Variants in RHAG observed in about 807,000 individuals in gnomAD.
RHAG encodes Rh associated glycoprotein, also known as ammonium transporter Rh type A.
Under a neutral mutation model 42.4 loss-of-function variants are expected in RHAG, and 25 were observed. The ratio of observed to expected loss-of-function variants is 0.59; its 90% CI spans 0.43 to 0.82. The LOEUF is 0.82. Ranked by LOEUF, RHAG falls within the 40% of genes least tolerant of loss-of-function variation. The probability of loss-of-function intolerance (pLI) is 0.00; values close to 1 mark genes in which losing one functional copy is unlikely to be tolerated. For synonymous variants in RHAG, 182 were observed against 177.7 expected (o/e 1.02, Z -0.19); for missense variants, 483 against 504.6 (o/e 0.96, Z 0.41).
intron 1 of RHAG, among the ~76,000 whole-genome samples, chr6:49,624,752 A>G (rs746904274): frequency 6.6e-6 from 1 of 152,178 alleles, no homozygotes; most frequent in Non-Finnish European, 1.5e-5. Context: ...AAACATGTAA[A>G]CTGTGGTGTA....
At chr6:49,616,473 CAG>C (rs1470025740) in intron 3 of RHAG, among the ~76,000 whole-genome samples, 2 of 151,672 alleles carry the variant, frequency 1.3e-5, no homozygotes, top group Admixed American at 6.6e-5. Flanking sequence ...TTCAAAAAAC[CAG>C]AGTTTTTACC....
chr6:49,610,531 C>T (rs1581937235), intron 7 of RHAG, among the ~76,000 whole-genome samples: 1 of 152,150 alleles, frequency 6.6e-6, no homozygotes, highest in East Asian at 1.9e-4. Context: ...ACCAGAAATG[C>T]TGAGTGATAC....
intron 9 of RHAG, among the ~76,000 whole-genome samples, chr6:49,606,109 G>C (rs145792859): frequency 6.6e-6 from 1 of 152,242 alleles, no homozygotes; most frequent in African/African-American, 2.4e-5. Context: ...TTGGGAAAAA[G>C]TATCAATAGA....
At chr6:49,611,316 G>T (rs76094875) in intron 6 of RHAG, among the ~76,000 whole-genome samples, 171 bp from the exon 7 acceptor site, 1 of 152,216 alleles carries the variant, frequency 6.6e-6, no homozygotes, top group East Asian at 1.9e-4. Context: ...CATATAGAGA[G>T]AAAAAGGTCA....
chr6:49,607,082 CATTA>C lies in RHAG; in HGVS notation c.1138+64_1138+67del, dbSNP rs1581935092. The C allele has an allele frequency of 2.9e-6, 4 of 1,395,628 alleles. No homozygotes were observed. In the East Asian group the frequency reaches 9.2e-5, roughly 32 times the overall value. The allele number at this position is 1,395,628 out of a possible 1,614,324, so 86.5% of individuals were successfully genotyped here. On this transcript the variant is annotated intron_variant, in intron 8 of 9. Coordinates refer to ENST00000371175, the MANE Select transcript of RHAG (RefSeq NM_000324.3). ...TTTTGAATTTAGCAATTGACTTGCT[CATTA>C]ATTATCTATTGTAAATAATCTGAGA...
At chr6:49,624,832 A>G (rs530575627) in intron 1 of RHAG, among the ~76,000 whole-genome samples, 1 of 152,328 alleles carries the variant, frequency 6.6e-6, no homozygotes, top group East Asian at 1.9e-4. Context: ...TGTAGGATCA[A>G]TCTTCAGGGA....
chr6:49,632,976 C>T (rs1762955518), intron 1 of RHAG, among the ~76,000 whole-genome samples: 1 of 152,092 alleles, frequency 6.6e-6, no homozygotes, highest in Admixed American at 6.6e-5. Context: ...GTGAGTATCT[C>T]AGGGGATATT....
Position 49,612,344 on chromosome 6 carries a change from T to G in RHAG, c.945+53A>C, listed in dbSNP as rs987380114. 93 of 1,588,314 alleles carry G rather than the reference T, an allele frequency of 5.9e-5. 1 individual carries two copies. The Middle Eastern group carries it at 1.3e-3, about 23-fold the overall frequency. On this transcript the variant is annotated intron_variant, in intron 6 of 9. Coordinates refer to ENST00000371175, the MANE Select transcript of RHAG (RefSeq NM_000324.3). ...GCTTTTTTTCTGCTGGTGGGACATG[T>G]GAGAAAAAAGGTGCAGATTCAGAGT... is the stretch of plus-strand genomic sequence containing the variant.
At chr6:49,619,154 T>C in intron 2 of RHAG, 25 bp downstream of exon 2, 1 of 1,612,410 alleles carries the variant, frequency 6.2e-7, no homozygotes, top group East Asian at 2.2e-5. Flanking sequence ...GATGCAAACA[T>C]TCAGCCCACA....
rs967294543 is a variant in RHAG, at chr6:49,612,779, T to C, written c.808-245A>G. Among the ~76,000 whole-genome samples the C allele has an allele frequency of 2.6e-5, 4 of 152,150 alleles. No individual in the cohort carries two copies. In the East Asian group the frequency reaches 7.7e-4, roughly 29 times the overall value. On this transcript the variant is annotated intron_variant, in intron 5 of 9. Transcript: ENST00000371175. Reference sequence around the variant, plus strand: ...AATCAGCTTAACTCTTTAAGGCCAGTGGTGGAAGACATTTGAGAAAATCAA... The same window carrying C: ...AATCAGCTTAACTCTTTAAGGCCAGCGGTGGAAGACATTTGAGAAAATCAA...
intron 5 of RHAG, among the ~76,000 whole-genome samples, chr6:49,614,008 T>C (rs1418943569): frequency 1.3e-5 from 2 of 152,186 alleles, no homozygotes; most frequent in African/African-American, 4.8e-5. Flanking sequence ...CCCACTCTCT[T>C]TTTCTGCTGT....
At chr6:49,606,740 A>G in intron 9 of RHAG, 108 bp downstream of exon 9, 1 of 806,536 alleles carries the variant, frequency 1.2e-6, no homozygotes, top group African/African-American at 1.7e-5. Context: ...ATGCCAGGCT[A>G]ACTCAATTTC....
At chr6:49,608,938 G>A (rs893287079) in intron 7 of RHAG, among the ~76,000 whole-genome samples, 1 of 151,886 alleles carries the variant, frequency 6.6e-6, no homozygotes, top group Non-Finnish European at 1.5e-5. Flanking sequence ...TCTTTTACAA[G>A]GTCTTAAAAG....
chr6:49,636,575 G>T, intron 1 of RHAG, 81 bp downstream of exon 1: 1 of 1,377,674 alleles, frequency 7.3e-7, no homozygotes, highest in South Asian at 1.2e-5. Context: ...GAGCTCAAGG[G>T]TTTATAGTAT....
intron 1 of RHAG, among the ~76,000 whole-genome samples, chr6:49,620,019 A>T (rs1176559677): frequency 6.6e-6 from 1 of 152,208 alleles, no homozygotes; most frequent in African/African-American, 2.4e-5. Context: ...ATCTTACCAG[A>T]TCATTATTTG....
intron 5 of RHAG, among the ~76,000 whole-genome samples, chr6:49,614,478 A>G (rs1463403112): frequency 6.6e-6 from 1 of 152,118 alleles, no homozygotes; most frequent in Non-Finnish European, 1.5e-5. Flanking sequence ...CTGGGATTAC[A>G]GGCATTAGCC....
chr6:49,605,472 C>G lies in RHAG; in HGVS notation c.*341G>C. On this transcript the variant is annotated 3_prime_UTR_variant, in exon 10 of 10. Transcript: ENST00000371175. The stretch of plus-strand genomic sequence containing the variant: ...ATTTTTGGGATTGAAGACATAGTGT[C>G]TACATTAAGAAACTGACATGTTTAC... 2.9e-6 allele frequency: 1 copy of G among 343,560 alleles called. No homozygotes were observed. The highest frequency in any genetic ancestry group is 5.5e-6 in the Non-Finnish European group (1 of 181,978). 21.3% of individuals were successfully genotyped at this position (343,560 alleles called of 1,614,324 possible). A position where few individuals can be genotyped will look rare whatever the true frequency, so the allele number is the denominator to read the frequency against.
At chr6:49,609,134 T>G (rs1364082237) in intron 7 of RHAG, among the ~76,000 whole-genome samples, 1 of 152,232 alleles carries the variant, frequency 6.6e-6, no homozygotes, top group African/African-American at 2.4e-5. Flanking sequence ...AATAGACACA[T>G]GTAAGTAGTT....
chr6:49,635,220 G>A (rs952415243), intron 1 of RHAG, among the ~76,000 whole-genome samples: 1 of 151,534 alleles, frequency 6.6e-6, no homozygotes, highest in Non-Finnish European at 1.5e-5. Context: ...TTACCTAGAA[G>A]CTTTGATGCT....
Sources: allele counts gnomAD v4.1 joint callset (sites outside exome capture counted in the v4.1 genomes callset), GRCh38; gene constraint gnomAD v4.1.1; transcripts MANE v1.5; gene names NCBI Gene and HGNC (gene_info 2026-07-23, HGNC 2026-07-21).